Variants in PLEKHG3 observed in about 807,000 individuals in gnomAD.
PLEKHG3 encodes the protein pleckstrin homology and RhoGEF domain containing G3, also known as pleckstrin homology domain-containing family G member 3.
A neutral mutation model predicts 94.9 loss-of-function variants in PLEKHG3; 62 were observed. The ratio of observed to expected loss-of-function variants is 0.65; its 90% CI spans 0.53 to 0.81. The LOEUF (loss-of-function observed/expected upper bound fraction) is 0.81. PLEKHG3 is among the 30% of genes least tolerant of loss of function. The probability of loss-of-function intolerance (pLI) is 0.00; values close to 1 mark genes in which losing one functional copy is unlikely to be tolerated. For missense variants in PLEKHG3, 1,461 were observed against 1,619.3 expected, an observed-to-expected ratio of 0.90 and a Z score of 1.68; for synonymous variants, 614 against 654.0, an observed-to-expected ratio of 0.94 and a Z score of 0.93.
Position 64,717,434 on chromosome 14 carries a change from G to A in PLEKHG3, c.-39-10159G>A, listed in dbSNP as rs1379116844. On this transcript the variant is annotated intron_variant, in intron 1 of 16. Coordinates refer to ENST00000247226, the MANE Select transcript of PLEKHG3 (RefSeq NM_001308147.2). The surrounding 1 kb of genome is among the most constrained non-coding windows in gnomAD (Gnocchi z 4.7). ...GCCACCATTCTGATGGGCTTGGGAAGGGAAAGTGAGAACTGGGGGAAGGAA... is the reference window on the plus strand; with the variant it reads ...GCCACCATTCTGATGGGCTTGGGAAAGGAAAGTGAGAACTGGGGGAAGGAA... Among the ~76,000 whole-genome samples the A allele has an allele frequency of 6.6e-6, 1 of 152,248 alleles. No individual in the cohort carries two copies. Among genetic ancestry groups the A allele is most frequent in the Middle Eastern group, 3.4e-3 (1 of 294 alleles).
At chr14:64,706,741 A>G (rs1418161881) in intron 1 of PLEKHG3, among the ~76,000 whole-genome samples, 1 of 152,254 alleles carries the variant, frequency 6.6e-6, no homozygotes, top group African/African-American at 2.4e-5. Flanking sequence ...GTCACTGTTT[A>G]CGCTGGAAGA....
intron 12 of PLEKHG3, among the ~76,000 whole-genome samples, chr14:64,735,754 A>G (rs2081557647): frequency 6.6e-6 from 1 of 152,166 alleles, no homozygotes; most frequent in Admixed American, 6.5e-5. Context: ...TCAGCCATCT[A>G]CTCTGACTTC....
rs1023985769 is a variant in PLEKHG3, at chr14:64,747,818, G to A, written c.*4115G>A. On this transcript the variant is annotated 3_prime_UTR_variant, in exon 17 of 17. Coordinates refer to ENST00000247226, the MANE Select transcript of PLEKHG3 (RefSeq NM_001308147.2). ...GCCCTCCGCCCTCCCCCCCACCCCC[G>A]ACCCGCTTGACTGCTCTCTTGGACC... 2 of 42,534 alleles carry A rather than the reference G, an allele frequency of 4.7e-5. No individual in the cohort carries two copies. The highest frequency in any genetic ancestry group is 9.6e-5 in the Non-Finnish European group (2 of 20,816). 2.6% of individuals were successfully genotyped at this position (42,534 alleles called of 1,614,324 possible).
intron 1 of PLEKHG3, among the ~76,000 whole-genome samples, chr14:64,705,984 C>T (rs936631223): frequency 6.6e-6 from 1 of 152,216 alleles, no homozygotes; most frequent in Non-Finnish European, 1.5e-5. Context: ...AACCCATTAG[C>T]TCCCTGGGTA....
rs1048387308 is a variant in PLEKHG3 at position 64,716,706 on chromosome 14, G to A, written c.-39-10887G>A. Among the ~76,000 whole-genome samples the A allele has an allele frequency of 3.3e-5, 5 of 152,074 alleles. No individual in the cohort carries two copies. Among genetic ancestry groups the A allele is most frequent in the Non-Finnish European group, 7.4e-5 (5 of 67,996 alleles). Reference sequence around the variant, plus strand: ...TCCTCCCTGGTGGGCAGCGGACCCCGACCCTGGCACCCACCACTTCATAGT... The same window carrying A: ...TCCTCCCTGGTGGGCAGCGGACCCCAACCCTGGCACCCACCACTTCATAGT... On this transcript the variant is annotated intron_variant, in intron 1 of 16. Transcript: ENST00000247226. The surrounding 1 kb of genome is among the most constrained non-coding windows in gnomAD (Gnocchi z 5.0).
rs1370594713 is a variant in PLEKHG3, at chr14:64,717,384, A to C, written c.-39-10209A>C. On this transcript the variant is annotated intron_variant, in intron 1 of 16. Transcript: ENST00000247226. The surrounding 1 kb of genome is among the most constrained non-coding windows in gnomAD (Gnocchi z 4.7). Reference sequence around the variant, plus strand: ...TGGGAAGGGAGTTGTGTTTTAGGGAATTGCCCTGGCAGCCTTGCCTCCAAG... The same window carrying C: ...TGGGAAGGGAGTTGTGTTTTAGGGACTTGCCCTGGCAGCCTTGCCTCCAAG... Among the ~76,000 whole-genome samples the C allele has an allele frequency of 2.6e-5, 4 of 152,068 alleles. No individual in the cohort carries two copies. Among genetic ancestry groups the C allele is most frequent in the Non-Finnish European group, 5.9e-5 (4 of 68,022 alleles).
rs1228790436 is a variant in PLEKHG3, at chr14:64,739,387, G to C, written c.1518+532G>C. On this transcript the variant is annotated intron_variant, in intron 15 of 16. Transcript: ENST00000247226. The surrounding 1 kb of genome is among the most constrained non-coding windows in gnomAD (Gnocchi z 4.1). ...CTTCTGAGGCGCGGGGCTGAGATCAGACCTGGGGCTGGGACTCAGAGGCCC... is the reference window on the plus strand; with the variant it reads ...CTTCTGAGGCGCGGGGCTGAGATCACACCTGGGGCTGGGACTCAGAGGCCC... 2.6e-5 allele frequency among the ~76,000 whole-genome samples: 4 copies of C among 152,202 alleles called. No homozygotes were observed. The highest frequency in any genetic ancestry group is 2.0e-4 in the Admixed American group (3 of 15,284).
In PLEKHG3 at chr14:64,731,099, A is replaced by G; in HGVS notation, c.779A>G (p.Asp260Gly). The G allele has an allele frequency of 6.2e-7, 1 of 1,612,826 alleles. No homozygotes were observed. Among genetic ancestry groups the G allele is most frequent in the Non-Finnish European group, 8.5e-7 (1 of 1,178,844 alleles). The change falls in exon 7 of 17, where the codon GAC becomes GGC. Residue 260 changes from aspartate to glycine, a missense_variant. Coordinates refer to ENST00000247226, the MANE Select transcript of PLEKHG3 (RefSeq NM_001308147.2). The surrounding 1 kb of genome is among the most constrained non-coding windows in gnomAD (Gnocchi z 6.1). ...DGFEVVEDAIDTMTCVAWYIN... is the reference protein window; with the variant it reads ...DGFEVVEDAIGTMTCVAWYIN... ...TTTGAGGTGGTGGAGGATGCCATTG[A>G]CACCATGACCTGTGTGGCCTGGTAC... is the stretch of plus-strand genomic sequence containing the variant.
chr14:64,724,166 T>A (rs1288512214), intron 1 of PLEKHG3, among the ~76,000 whole-genome samples: 1 of 152,072 alleles, frequency 6.6e-6, no homozygotes, highest in Non-Finnish European at 1.5e-5. Context: ...TGTGGGAGTC[T>A]GAGCTACACA....
Position 64,728,074 on chromosome 14 carries a change from T to C in PLEKHG3, c.351+92T>C. ...CTCAAAAGACCTGCTTCCCATAAAG[T>C]AGTTGGAGAACTGGGGTCTCCCACC... is the stretch of plus-strand genomic sequence containing the variant. On this transcript the variant is annotated intron_variant, in intron 2 of 16. Coordinates refer to ENST00000247226, the MANE Select transcript of PLEKHG3 (RefSeq NM_001308147.2). The surrounding 1 kb of genome is among the most constrained non-coding windows in gnomAD (Gnocchi z 5.9). The C allele has an allele frequency of 1.2e-6, 1 of 832,144 alleles. No individual in the cohort carries two copies. The highest frequency in any genetic ancestry group is 1.8e-6 in the Non-Finnish European group (1 of 551,252). The allele number at this position is 832,144 out of a possible 1,614,324, so 51.5% of individuals were successfully genotyped here.
intron 1 of PLEKHG3, among the ~76,000 whole-genome samples, chr14:64,710,402 GCTCATGCCTGTAAT>G (rs2081049729): frequency 1.3e-5 from 2 of 152,234 alleles, no homozygotes; most frequent in African/African-American, 4.8e-5. Context: ...GGGCGCAGTG[GCTCATGCCTGTAAT>G]CTCAACACTT....
Position 64,742,405 on chromosome 14 carries a change from C to T in PLEKHG3, c.2888C>T (p.Pro963Leu). The T allele has an allele frequency of 6.2e-7, 1 of 1,612,630 alleles. No homozygotes were observed. Among genetic ancestry groups the T allele is most frequent in the Non-Finnish European group, 8.5e-7 (1 of 1,179,972 alleles). Residue 963 changes from proline (P) to leucine (L), a missense_variant, in exon 16 of 17, where the codon CCC becomes CTC. Transcript: ENST00000247226. Reference protein sequence around the residue: ...KVAPERDGKSPTVPCLQEEAG... With the variant: ...KVAPERDGKSLTVPCLQEEAG... ...GCCCCTGAGAGGGATGGGAAGAGCC[C>T]CACTGTGCCCTGTCTACAGGAAGAG...
At chr14:64,737,792 G>T (rs916980612) in intron 14 of PLEKHG3, 10 of 795,196 alleles carry the variant, frequency 1.3e-5, no homozygotes, top group African/African-American at 1.9e-5. Context: ...CTCCCCCCCC[G>T]CAGCTGCCTG....
In PLEKHG3 at chr14:64,737,291, T is replaced by A. The variant is rs140133994; in HGVS notation, c.1385-65T>A. 105 of 1,284,930 alleles carry A rather than the reference T, an allele frequency of 8.2e-5. 1 individual carries two copies. The South Asian group carries it at 9.4e-4, about 11-fold the overall frequency. The allele number at this position is 1,284,930 out of a possible 1,614,324, so 79.6% of individuals were successfully genotyped here. A position where few individuals can be genotyped will look rare whatever the true frequency, so the allele number is the denominator to read the frequency against. On this transcript the variant is annotated intron_variant, in intron 13 of 16. Coordinates refer to ENST00000247226, the MANE Select transcript of PLEKHG3 (RefSeq NM_001308147.2). Reference sequence around the variant, plus strand: ...CAGAGGTCTTTTTCCTGCTTACTGATCTCTTCCCCTCCCCTCCCCTGCCCC... The same window carrying A: ...CAGAGGTCTTTTTCCTGCTTACTGAACTCTTCCCCTCCCCTCCCCTGCCCC...
rs142419090 is a variant in PLEKHG3, at chr14:64,726,028, A to T, written c.-39-1565A>T. ...TGGGAGGTAGTAAGAGAACACAGAA[A>T]GAGTTCCCCAGGTTTGGGGGATATT... On this transcript the variant is annotated intron_variant, in intron 1 of 16. Transcript: ENST00000247226. The surrounding 1 kb of genome is among the most constrained non-coding windows in gnomAD (Gnocchi z 5.1). Among the ~76,000 whole-genome samples the T allele has an allele frequency of 0.011, 1,715 of 152,282 alleles. 35 individuals are homozygous for T. The highest frequency in any genetic ancestry group is 0.039 in the African/African-American group (1,641 of 41,548).
At position 64,743,575 on chromosome 14, in the gene PLEKHG3, C is replaced by G. The variant is rs763609037; in HGVS notation, c.3532C>G (p.Gln1178Glu). 6.8e-6 allele frequency: 11 copies of G among 1,612,802 alleles called. No homozygotes were observed. The highest frequency in any genetic ancestry group is 8.5e-6 in the Non-Finnish European group (10 of 1,179,958). The change falls in exon 17 of 17, where the codon CAG becomes GAG. Residue 1178 changes from glutamine (Q) to glutamate (E), a missense_variant. This residue lies in a region of PLEKHG3 where 1,201 missense variants were observed against 1,295.5 expected (regional missense o/e 0.93). Coordinates refer to ENST00000247226, the MANE Select transcript of PLEKHG3 (RefSeq NM_001308147.2). This position sits in a 1 kb window ranked among gnomAD's most constrained non-coding sequence, Gnocchi z 7.2. ...ACCGGTGGCCCTGCTGGGGCAGGTT[C>G]AGGACTTCCAGCAGTCTGCAGAGTG... ...SSPVALLGQVQDFQQSAECQP... is the reference protein window; with the variant it reads ...SSPVALLGQVEDFQQSAECQP...
chr14:64,743,204 G>A lies in PLEKHG3; in HGVS notation c.3161G>A (p.Cys1054Tyr). ...AGCTGGCCCGACGTCCGTGAGCTCT[G>A]CTCCAAGTATGCCTCCCGCGATGAG... ...TFSWPDVREL[C>Y]SKYASRDEAR... Residue 1054 changes from cysteine to tyrosine, a missense_variant, in exon 17 of 17, where the codon TGC becomes TAC. Around this residue, in one of 3 missense-constraint regions of PLEKHG3, gnomAD observed 1,201 missense variants for 1,295.5 expected, o/e 0.93. Transcript: ENST00000247226. The surrounding 1 kb of genome is among the most constrained non-coding windows in gnomAD (Gnocchi z 7.2). 6.2e-7 allele frequency: 1 copy of A among 1,609,964 alleles called. No homozygotes were observed. Among genetic ancestry groups the A allele is most frequent in the Non-Finnish European group, 8.5e-7 (1 of 1,179,850 alleles).
chr14:64,738,313 C>T lies in PLEKHG3; in HGVS notation c.1405-429C>T, dbSNP rs989846653. On this transcript the variant is annotated intron_variant, in intron 14 of 16. Coordinates refer to ENST00000247226, the MANE Select transcript of PLEKHG3 (RefSeq NM_001308147.2). The surrounding 1 kb of genome is among the most constrained non-coding windows in gnomAD (Gnocchi z 4.8). ...AGGGCCCCCTCTGCTGCCCTCCTCA[C>T]CCCACCCTGCCCTGGTTTTACTCCT... 1 of 739,464 alleles carries T rather than the reference C, an allele frequency of 1.4e-6. No individual in the cohort carries two copies. The highest frequency in any genetic ancestry group is 1.8e-5 in the African/African-American group (1 of 54,798). 45.8% of individuals were successfully genotyped at this position (739,464 alleles called of 1,614,324 possible).
At chr14:64,706,772 G>A (rs1323455351) in intron 1 of PLEKHG3, among the ~76,000 whole-genome samples, 7 of 152,242 alleles carry the variant, frequency 4.6e-5, no homozygotes, top group Non-Finnish European at 7.3e-5. Context: ...CACGGCCTGC[G>A]GGATGACCAG....
Sources: gnomAD v4.1 joint callset for allele counts (sites outside exome capture counted in the v4.1 genomes callset) on GRCh38, gnomAD v4.1.1 for gene constraint, gnomAD v4.1.1 regional missense constraint, Gnocchi (gnomAD v3.1) non-coding constraint, MANE v1.5 for transcripts, NCBI Gene and HGNC (gene_info 2026-07-23, HGNC 2026-07-21) for gene names.